HCN1: variants seen among roughly 807,000 people sequenced by gnomAD.
HCN1 encodes the protein potassium/sodium hyperpolarization-activated cyclic nucleotide-gated channel 1.
HCN1 carries 13 observed loss-of-function variants against 78.9 expected under a neutral mutation model. The ratio of observed to expected loss-of-function variants is 0.16; its 90% CI spans 0.11 to 0.26. The LOEUF is 0.26. Among genes scored for constraint, HCN1 ranks in the 10% least tolerant of loss-of-function variants. HCN1 has a pLI of 1.00. For missense variants in HCN1, 810 were observed against 1,154.3 expected, an observed-to-expected ratio of 0.70 and a Z score of 4.32; for synonymous variants, 552 against 455.5, an observed-to-expected ratio of 1.21 and a Z score of -2.70.
intron 4 of HCN1, among the ~76,000 whole-genome samples, chr5:45,355,785 G>A (rs1260555282): frequency 6.6e-6 from 1 of 151,980 alleles, no homozygotes; most frequent in African/African-American, 2.4e-5. Context: ...CTGCCAAGAT[G>A]TGAGAGCAGA....
chr5:45,546,117 C>T (rs771673557), intron 2 of HCN1, among the ~76,000 whole-genome samples: 2 of 151,868 alleles, frequency 1.3e-5, no homozygotes, highest in African/African-American at 2.4e-5. Flanking sequence ...ACATTTTCTC[C>T]TCAAGATTTC....
intron 2 of HCN1, among the ~76,000 whole-genome samples, chr5:45,473,127 T>C (rs1481085374): frequency 1.3e-5 from 2 of 151,990 alleles, no homozygotes; most frequent in Non-Finnish European, 2.9e-5. Flanking sequence ...ACCAGTATCT[T>C]ATCAAAATTT....
chr5:45,673,395 C>T (rs569202550), intron 1 of HCN1, among the ~76,000 whole-genome samples: 1 of 151,598 alleles, frequency 6.6e-6, no homozygotes, highest in South Asian at 2.1e-4. Context: ...ACATTAATGG[C>T]CCACTTCCCT....
intron 6 of HCN1, among the ~76,000 whole-genome samples, chr5:45,290,322 C>T (rs1745345938): frequency 1.3e-5 from 2 of 151,974 alleles, no homozygotes; most frequent in African/African-American, 4.8e-5. Flanking sequence ...GGCACTAATC[C>T]TATTCATCAG....
chr5:45,524,293 G>A (rs1215332320), intron 2 of HCN1, among the ~76,000 whole-genome samples: 4 of 152,050 alleles, frequency 2.6e-5, no homozygotes, highest in African/African-American at 7.2e-5. Flanking sequence ...GTCAGGTAGC[G>A]TGATGCCTCC....
chr5:45,306,242 C>T (rs899492607), intron 5 of HCN1, among the ~76,000 whole-genome samples: 4 of 152,010 alleles, frequency 2.6e-5, no homozygotes, highest in Non-Finnish European at 5.9e-5. Context: ...ATCCCTTCAT[C>T]TTTGTACCTT....
At chr5:45,687,573 A>C (rs951406722) in intron 1 of HCN1, among the ~76,000 whole-genome samples, 1 of 152,114 alleles carries the variant, frequency 6.6e-6, no homozygotes, top group Non-Finnish European at 1.5e-5. Context: ...TGTGCAGATA[A>C]AATATTTATG....
chr5:45,627,045 A>G (rs1745178569), intron 2 of HCN1, among the ~76,000 whole-genome samples: 1 of 151,688 alleles, frequency 6.6e-6, no homozygotes, highest in African/African-American at 2.4e-5. Context: ...GGGTCCATTC[A>G]TTTTCCTGCA....
At chr5:45,348,164 C>T (rs1450698744) in intron 5 of HCN1, among the ~76,000 whole-genome samples, 2 of 152,198 alleles carry the variant, frequency 1.3e-5, no homozygotes, top group African/African-American at 4.8e-5. Context: ...AACAGCAGAT[C>T]TCTCAGCAGA....
At chr5:45,355,808 T>G (rs1481428857) in intron 4 of HCN1, among the ~76,000 whole-genome samples, 1 of 151,978 alleles carries the variant, frequency 6.6e-6, no homozygotes, top group Non-Finnish European at 1.5e-5. Flanking sequence ...CAGAAAAACA[T>G]GATTAGAAAA....
intron 3 of HCN1, among the ~76,000 whole-genome samples, chr5:45,408,571 G>A (rs2112053349): frequency 6.6e-6 from 1 of 152,240 alleles, no homozygotes; most frequent in Non-Finnish European, 1.5e-5. Context: ...TTTTCACAAT[G>A]ATAATATTGC....
chr5:45,417,929 G>A (rs532768191), intron 3 of HCN1, among the ~76,000 whole-genome samples: 10 of 151,644 alleles, frequency 6.6e-5, no homozygotes, highest in Non-Finnish European at 1.3e-4. Flanking sequence ...ATAGAAAAAC[G>A]TGTTAATTCT....
chr5:45,368,543 C>T (rs1424652641), intron 4 of HCN1, among the ~76,000 whole-genome samples: 1 of 151,842 alleles, frequency 6.6e-6, no homozygotes, highest in African/African-American at 2.4e-5. Context: ...TGGCTTTAGA[C>T]TCTATATATA....
chr5:45,470,490 C>G (rs184900393), intron 2 of HCN1, among the ~76,000 whole-genome samples: 1 of 151,952 alleles, frequency 6.6e-6, no homozygotes, highest in East Asian at 1.9e-4. Context: ...ACTTGATCTA[C>G]TGGAAAATGG....
chr5:45,513,010 T>A (rs74776161), intron 2 of HCN1, among the ~76,000 whole-genome samples: 1 of 152,148 alleles, frequency 6.6e-6, no homozygotes, highest in Non-Finnish European at 1.5e-5. Context: ...ATTTTAATAA[T>A]GTACAGTTCT....
intron 3 of HCN1, among the ~76,000 whole-genome samples, chr5:45,402,864 C>CT (rs1739850156): frequency 5.6e-5 from 8 of 142,682 alleles, no homozygotes; most frequent in Non-Finnish European, 3.0e-5. Flanking sequence ...TCCTTCCTTC[C>CT]TCTACTTCCT....
chr5:45,468,951 C>T (rs920019796), intron 2 of HCN1, among the ~76,000 whole-genome samples: 2 of 151,852 alleles, frequency 1.3e-5, no homozygotes, highest in African/African-American at 4.8e-5. Context: ...CTGAGCTGAA[C>T]TGTTTCTATT....
At chr5:45,326,195 C>T (rs1225800355) in intron 5 of HCN1, among the ~76,000 whole-genome samples, 1 of 151,456 alleles carries the variant, frequency 6.6e-6, no homozygotes, top group Non-Finnish European at 1.5e-5. Context: ...ATCTCATGTA[C>T]CCCATAAATA....
intron 3 of HCN1, among the ~76,000 whole-genome samples, chr5:45,423,667 C>G (rs1484074039): frequency 6.6e-6 from 1 of 152,030 alleles, no homozygotes; most frequent in Non-Finnish European, 1.5e-5. Context: ...TTGTAAAAAG[C>G]TTATTTGTTA....
Sources: gnomAD v4.1 joint callset for allele counts (sites outside exome capture counted in the v4.1 genomes callset) on GRCh38, gnomAD v4.1.1 for gene constraint, MANE v1.5 for transcripts, NCBI Gene and HGNC (gene_info 2026-07-23, HGNC 2026-07-21) for gene names.